Variants in RYR2 observed in about 807,000 individuals in gnomAD.
RYR2 encodes ryanodine receptor 2.
RYR2 carries 227 observed loss-of-function variants against 601.1 expected under a neutral mutation model. That is an observed-to-expected ratio of 0.38 (90% CI 0.34 to 0.42). RYR2 has a LOEUF of 0.42. Among genes scored for constraint, RYR2 ranks in the 10% least tolerant of loss-of-function variants. RYR2 has a pLI of 1.00. For synonymous variants in RYR2, 2,223 were observed against 2,175.1 expected (o/e 1.02, Z -0.61); for missense variants, 4,646 against 6,156.5 (o/e 0.75, Z 8.21).
chr1:237,195,574 A>G (rs1484449331), intron 1 of RYR2, among the ~76,000 whole-genome samples: 1 of 152,134 alleles, frequency 6.6e-6, no homozygotes, highest in Non-Finnish European at 1.5e-5. Context: ...GCCTCCTTCA[A>G]TCTTTTCTAT....
rs1203195678 is a variant in RYR2, at chr1:237,793,973, G to A, written c.13889G>A (p.Trp4630Ter). The A allele has an allele frequency of 6.2e-7, 1 of 1,611,588 alleles. No homozygotes were observed. The highest frequency in any genetic ancestry group is 8.5e-7 in the Non-Finnish European group (1 of 1,177,898). Residue 4630 changes from tryptophan (W) to a stop codon, truncating the protein, a stop_gained, in exon 95 of 105, where the codon TGG becomes TAG. Transcript: ENST00000366574. LOFTEE classifies it high-confidence loss of function. ...TCAGAAGATGATATTAAAGGCCAGT[G>A]GGATAGACTCGTAATCAACACACAG... is the stretch of plus-strand genomic sequence containing the variant. ...QPSEDDIKGQ[W>*]DRLVINTQSF...
chr1:237,368,875 G>A (rs1237688913), intron 5 of RYR2, among the ~76,000 whole-genome samples: 4 of 151,654 alleles, frequency 2.6e-5, no homozygotes, highest in African/African-American at 7.3e-5. Context: ...CCAGGCTGGA[G>A]TGCAATGGTG....
chr1:237,713,958 G>A (rs1258355638), intron 71 of RYR2, among the ~76,000 whole-genome samples: 3 of 150,310 alleles, frequency 2.0e-5, no homozygotes, highest in Admixed American at 2.0e-4. Context: ...TTTTTTGGTA[G>A]GCTATTTCAT....
chr1:237,099,997 C>G (rs1189873959), intron 1 of RYR2, among the ~76,000 whole-genome samples: 1 of 152,168 alleles, frequency 6.6e-6, no homozygotes, highest in Non-Finnish European at 1.5e-5. Flanking sequence ...ATCCTCGGTG[C>G]TGCCTCAGCT....
intron 16 of RYR2, among the ~76,000 whole-genome samples, chr1:237,465,541 G>A (rs12047309): frequency 0.045 from 6,863 of 152,198 alleles, 222 homozygotes; most frequent in Non-Finnish European, 0.071. Context: ...AATACATCTT[G>A]CAAACATCAT....
At chr1:237,693,119 G>A (rs1439771863) in intron 63 of RYR2, among the ~76,000 whole-genome samples, 1 of 151,988 alleles carries the variant, frequency 6.6e-6, no homozygotes, top group African/African-American at 2.4e-5. Context: ...TTACATTCAC[G>A]AATGACACAG....
chr1:237,568,306 C>T (rs572048825), intron 28 of RYR2, among the ~76,000 whole-genome samples: 17 of 152,146 alleles, frequency 1.1e-4, no homozygotes, highest in African/African-American at 2.7e-4. Flanking sequence ...TTTGCATTGG[C>T]GACTCTGTCT....
At chr1:237,746,343 A>C (rs898709210) in intron 80 of RYR2, among the ~76,000 whole-genome samples, 14 of 152,168 alleles carry the variant, frequency 9.2e-5, no homozygotes, top group Non-Finnish European at 1.5e-5. Flanking sequence ...GTTAATTATT[A>C]ATATTTGCTA....
intron 1 of RYR2, among the ~76,000 whole-genome samples, chr1:237,179,275 C>A (rs1215910450): frequency 6.6e-6 from 1 of 152,126 alleles, no homozygotes; most frequent in Admixed American, 6.6e-5. Flanking sequence ...GACAAAGATT[C>A]ATTAAAACCA....
At chr1:237,079,508 TG>T (rs1452341992) in intron 1 of RYR2, among the ~76,000 whole-genome samples, 1 of 38,418 alleles carries the variant, frequency 2.6e-5, no homozygotes, top group Non-Finnish European at 4.2e-5. Context: ...AGCCAAATCA[TG>T]GGTGAACTCC....
intron 1 of RYR2, among the ~76,000 whole-genome samples, chr1:237,051,963 T>C (rs4659488): frequency 0.41 from 62,106 of 152,004 alleles, 13,158 homozygotes; most frequent in African/African-American, 0.5. Context: ...ATTTCTTACA[T>C]TACCAGAGCC....
At chr1:237,547,838 G>A (rs949551699) in intron 25 of RYR2, among the ~76,000 whole-genome samples, 1 of 152,156 alleles carries the variant, frequency 6.6e-6, no homozygotes, top group African/African-American at 2.4e-5. Context: ...GAAATAAAAT[G>A]CAATCAGATT....
intron 39 of RYR2, 92 bp downstream of exon 39, chr1:237,623,962 A>G: frequency 1.3e-6 from 1 of 770,654 alleles, no homozygotes; most frequent in Non-Finnish European, 2.2e-6. Flanking sequence ...GAATATTTTC[A>G]CGAATACACA....
intron 2 of RYR2, among the ~76,000 whole-genome samples, chr1:237,306,808 A>G (rs2149473367): frequency 6.6e-6 from 1 of 152,188 alleles, no homozygotes; most frequent in East Asian, 1.9e-4. Context: ...GAAAGGTTAG[A>G]TAACCTAACA....
At chr1:237,136,727 C>G (rs1011123470) in intron 1 of RYR2, among the ~76,000 whole-genome samples, 8 of 152,012 alleles carry the variant, frequency 5.3e-5, no homozygotes, top group African/African-American at 1.9e-4. Context: ...AAAAAAGATG[C>G]TGAGCAGGCT....
chr1:237,200,869 A>G (rs796708128), intron 1 of RYR2, among the ~76,000 whole-genome samples: 28 of 152,308 alleles, frequency 1.8e-4, no homozygotes, highest in African/African-American at 6.0e-4. Context: ...TTCTGTGACT[A>G]TCTACTTTAG....
chr1:237,320,055 A>G (rs1233207573), intron 2 of RYR2, among the ~76,000 whole-genome samples: 1 of 152,198 alleles, frequency 6.6e-6, no homozygotes, highest in Admixed American at 6.5e-5. Flanking sequence ...CCAGGAAAGA[A>G]CACCACAGAT....
chr1:237,125,934 A>C (rs1671358195), intron 1 of RYR2, among the ~76,000 whole-genome samples: 1 of 152,234 alleles, frequency 6.6e-6, no homozygotes, highest in Admixed American at 6.5e-5. Flanking sequence ...AAGTGCCACT[A>C]TCTCTAATGT....
intron 25 of RYR2, among the ~76,000 whole-genome samples, chr1:237,546,090 G>A (rs1053804764): frequency 4.0e-5 from 6 of 151,550 alleles, no homozygotes; most frequent in Non-Finnish European, 8.8e-5. Context: ...CTATTTAAAT[G>A]TCAGAAGTCT....
Sources: gnomAD v4.1 joint callset for allele counts (sites outside exome capture counted in the v4.1 genomes callset) on GRCh38, gnomAD v4.1.1 for gene constraint, MANE v1.5 for transcripts, NCBI Gene and HGNC (gene_info 2026-07-23, HGNC 2026-07-21) for gene names.